Variants in ICA1 observed in about 807,000 individuals in gnomAD.
ICA1 encodes the protein 69 kDa islet cell autoantigen.
ICA1 carries 40 observed loss-of-function variants against 71.0 expected under a neutral mutation model. The observed-to-expected ratio is 0.56, with a 90% CI of 0.44 to 0.73. The LOEUF is 0.73. Among genes scored for constraint, ICA1 ranks in the 30% least tolerant of loss-of-function variants. The pLI is 0.00. For missense variants in ICA1, 578 were observed against 576.5 expected (o/e 1.00, Z -0.03); for synonymous variants, 207 against 209.5 (o/e 0.99, Z 0.10).
At chr7:8,218,605 T>C (rs1486844199) in intron 5 of ICA1, 102 bp from the exon 6 acceptor site, 1 of 883,168 alleles carries the variant, frequency 1.1e-6, no homozygotes, top group East Asian at 2.5e-5. Context: ...GAACAGTACC[T>C]GGAATGTAGA....
chr7:8,233,965 T>C (rs1179538056), intron 2 of ICA1, among the ~76,000 whole-genome samples: 1 of 152,060 alleles, frequency 6.6e-6, no homozygotes, highest in Non-Finnish European at 1.5e-5. Flanking sequence ...GCTCATGCCT[T>C]TAATTCTAGC....
chr7:8,210,602 AT>A (rs1042251050), intron 6 of ICA1, among the ~76,000 whole-genome samples: 10 of 151,078 alleles, frequency 6.6e-5, no homozygotes, highest in Non-Finnish European at 1.2e-4. Context: ...TCAAAAGACA[AT>A]TTTTTTTTCA....
intron 13 of ICA1, among the ~76,000 whole-genome samples, chr7:8,121,279 T>G (rs956436743): frequency 2.0e-5 from 3 of 152,098 alleles, no homozygotes; most frequent in African/African-American, 4.8e-5. Flanking sequence ...TTGCCTGCCA[T>G]CCAGCCAGCC....
intron 13 of ICA1, among the ~76,000 whole-genome samples, chr7:8,124,125 T>A (rs1418000795): frequency 6.2e-4 from 90 of 144,368 alleles, no homozygotes; most frequent in African/African-American, 2.1e-3. Flanking sequence ...TTTTTTTTTT[T>A]TTTTTTTTTT....
At chr7:8,145,748 G>A (rs10271887) in intron 8 of ICA1, among the ~76,000 whole-genome samples, 135,220 of 140,874 alleles carry the variant, frequency 0.96, 64,966 homozygotes, top group East Asian at 1. Context: ...GAATCATTGT[G>A]TATATATATA....
At chr7:8,179,538 T>C (rs1781565699) in intron 6 of ICA1, among the ~76,000 whole-genome samples, 4 of 152,234 alleles carry the variant, frequency 2.6e-5, no homozygotes, top group African/African-American at 9.6e-5. Context: ...AGAAATGTTG[T>C]ATAACAACTA....
chr7:8,182,760 T>G (rs1264185362), intron 6 of ICA1, among the ~76,000 whole-genome samples: 1 of 152,244 alleles, frequency 6.6e-6, no homozygotes, highest in Non-Finnish European at 1.5e-5. Flanking sequence ...ATTTTTGTAT[T>G]GTATGTTACA....
chr7:8,156,336 G>C (rs1475368252), intron 8 of ICA1, among the ~76,000 whole-genome samples: 3 of 152,232 alleles, frequency 2.0e-5, no homozygotes, highest in Non-Finnish European at 4.4e-5. Context: ...AGCAAGGCAA[G>C]TTCAAGGTGA....
intron 1 of ICA1, among the ~76,000 whole-genome samples, chr7:8,236,520 A>G (rs1445945960): frequency 1.3e-5 from 2 of 152,232 alleles, no homozygotes; most frequent in Admixed American, 6.5e-5. Flanking sequence ...GATTTGAAAT[A>G]TTTTATAATC....
intron 12 of ICA1, 126 bp from the exon 13 acceptor site, chr7:8,128,268 A>G (rs904495199): frequency 4.2e-6 from 4 of 951,346 alleles, no homozygotes; most frequent in Admixed American, 4.9e-5. Flanking sequence ...TCATCAAAAT[A>G]TAAGTTCATC....
At chr7:8,128,874 T>G (rs1192726557) in intron 12 of ICA1, among the ~76,000 whole-genome samples, 1 of 152,178 alleles carries the variant, frequency 6.6e-6, no homozygotes, top group Non-Finnish European at 1.5e-5. Context: ...GGTCCACCCC[T>G]TCGCTGCTAT....
intron 12 of ICA1, among the ~76,000 whole-genome samples, chr7:8,129,235 T>A (rs957798226): frequency 1.3e-5 from 2 of 152,212 alleles, no homozygotes; most frequent in African/African-American, 4.8e-5. Flanking sequence ...ATTTTTGTTG[T>A]TAATTCACAA....
chr7:8,213,345 T>C (rs1056795860), intron 6 of ICA1, among the ~76,000 whole-genome samples: 3 of 152,210 alleles, frequency 2.0e-5, no homozygotes, highest in Admixed American at 6.5e-5. Context: ...CGCTTAAACA[T>C]TTAACACTGG....
intron 1 of ICA1, among the ~76,000 whole-genome samples, chr7:8,243,823 A>T (rs1036157568): frequency 1.8e-4 from 27 of 152,320 alleles, no homozygotes; most frequent in South Asian, 4.1e-4. Context: ...CACAATTGCT[A>T]CGAAGAGAAT....
chr7:8,225,194 T>C (rs1798244071), intron 4 of ICA1, among the ~76,000 whole-genome samples: 1 of 152,214 alleles, frequency 6.6e-6, no homozygotes, highest in Non-Finnish European at 1.5e-5. Context: ...CTGTGGTGTT[T>C]GCCTAATGGT....
intron 6 of ICA1, among the ~76,000 whole-genome samples, chr7:8,216,398 T>C (rs1261936527): frequency 6.6e-6 from 1 of 152,086 alleles, no homozygotes; most frequent in Non-Finnish European, 1.5e-5. Flanking sequence ...ACACATGGGA[T>C]TGGGGAGTAA....
chr7:8,164,907 A>G (rs1005161891), intron 6 of ICA1, among the ~76,000 whole-genome samples: 2 of 152,060 alleles, frequency 1.3e-5, no homozygotes, highest in Non-Finnish European at 2.9e-5. Context: ...GCAAAACCCT[A>G]TCTCTACAAA....
At chr7:8,202,334 C>T (rs374057957) in intron 6 of ICA1, among the ~76,000 whole-genome samples, 35 of 152,260 alleles carry the variant, frequency 2.3e-4, no homozygotes, top group Middle Eastern at 3.4e-3. Flanking sequence ...CCTCTCTAAG[C>T]GTCAAAATCC....
chr7:8,232,710 T>G lies in ICA1; in HGVS notation c.63A>C (p.Ser21=), dbSNP rs1800630353. ...ATTTCTGTTGCATCTTATTTACAACTGACTTATCTTGAGCATATCGATCCT... is the reference window on the plus strand; with the variant it reads ...ATTTCTGTTGCATCTTATTTACAACGGACTTATCTTGAGCATATCGATCCT... ...DLQDRYAQDK[S]VVNKMQQKYW... is the part of the protein sequence containing the mutation. Residue 21 remains serine, a synonymous_variant, in exon 3 of 14, where the codon TCA becomes TCC. Coordinates refer to ENST00000402384, the MANE Select transcript of ICA1 (RefSeq NM_001136020.3). 3.1e-6 allele frequency: 5 copies of G among 1,611,918 alleles called. No individual in the cohort carries two copies. Among genetic ancestry groups the G allele is most frequent in the African/African-American group, 1.3e-5 (1 of 74,994 alleles).
Sources: gnomAD v4.1 joint callset for allele counts (sites outside exome capture counted in the v4.1 genomes callset) on GRCh38, gnomAD v4.1.1 for gene constraint, MANE v1.5 for transcripts, NCBI Gene and HGNC (gene_info 2026-07-23, HGNC 2026-07-21) for gene names.